The following PXDNL variants were observed in gnomAD, a reference collection of about 807,000 sequenced individuals.
PXDNL encodes probable oxidoreductase PXDNL.
A neutral mutation model predicts 150.8 loss-of-function variants in PXDNL; 145 were observed. That is an observed-to-expected ratio of 0.96 (90% confidence interval 0.84 to 1.10). PXDNL has a LOEUF of 1.10. Ranked by LOEUF, PXDNL falls within the 50% of genes least tolerant of loss-of-function variation. PXDNL has a pLI of 0.00. For missense variants in PXDNL, 2,087 were observed against 1,873.9 expected (o/e 1.11, Z -2.10); for synonymous variants, 757 against 725.7 (o/e 1.04, Z -0.69).
chr8:51,405,014 G>C (rs1041952439), intron 17 of PXDNL, among the ~76,000 whole-genome samples: 1 of 152,178 alleles, frequency 6.6e-6, no homozygotes, highest in Non-Finnish European at 1.5e-5. Context: ...GCTCAGCACC[G>C]GGACCCAGCG....
At chr8:51,507,000 T>G (rs1235481571) in intron 4 of PXDNL, among the ~76,000 whole-genome samples, 3 of 152,204 alleles carry the variant, frequency 2.0e-5, no homozygotes, top group African/African-American at 4.8e-5. Context: ...TTTTTTCCAT[T>G]AAGGACTTAG....
At chr8:51,389,690 C>T (rs778406063) in intron 17 of PXDNL, among the ~76,000 whole-genome samples, 1 of 152,176 alleles carries the variant, frequency 6.6e-6, no homozygotes, top group African/African-American at 2.4e-5. Flanking sequence ...ATAAGAATTG[C>T]CCATTTGTTT....
intron 5 of PXDNL, among the ~76,000 whole-genome samples, chr8:51,486,767 TATATATATATATATATATATA>T (rs1810751121): frequency 1.5e-3 from 14 of 9,314 alleles, no homozygotes; most frequent in African/African-American, 3.5e-3. Context: ...TATATATATA[TATATATATATATATATATATA>T]TATATATTTT....
chr8:51,578,995 A>C (rs1484097374), intron 3 of PXDNL, among the ~76,000 whole-genome samples: 2 of 152,040 alleles, frequency 1.3e-5, no homozygotes, highest in Non-Finnish European at 2.9e-5. Context: ...TATGTAAACT[A>C]TAAATCTTTT....
intron 17 of PXDNL, among the ~76,000 whole-genome samples, chr8:51,404,839 G>C (rs1808390254): frequency 6.6e-6 from 1 of 152,220 alleles, no homozygotes; most frequent in South Asian, 2.1e-4. Flanking sequence ...TCAGCCCTTG[G>C]GCGGTCGATG....
chr8:51,653,104 A>G (rs1815075173), intron 2 of PXDNL, among the ~76,000 whole-genome samples: 1 of 152,198 alleles, frequency 6.6e-6, no homozygotes, highest in Non-Finnish European at 1.5e-5. Context: ...GAAAGGCTTC[A>G]CCCAGAAATA....
At chr8:51,373,409 A>AAT (rs1209122798) in intron 18 of PXDNL, among the ~76,000 whole-genome samples, 2 of 152,176 alleles carry the variant, frequency 1.3e-5, no homozygotes, top group Admixed American at 6.5e-5. Context: ...CTGGTAAACT[A>AAT]ATATATATGG....
chr8:51,456,439 G>C (rs1156247036), intron 9 of PXDNL, among the ~76,000 whole-genome samples: 1 of 152,162 alleles, frequency 6.6e-6, no homozygotes, highest in East Asian at 1.9e-4. Flanking sequence ...GCAATCCTCC[G>C]AGGCTGCTGC....
At chr8:51,641,150 A>G (rs1263042092) in intron 2 of PXDNL, among the ~76,000 whole-genome samples, 1 of 150,994 alleles carries the variant, frequency 6.6e-6, no homozygotes. Flanking sequence ...CTGGCTAGCC[A>G]TATGTAGAAA....
chr8:51,613,432 C>T (rs1814061338), intron 2 of PXDNL, among the ~76,000 whole-genome samples: 1 of 136,798 alleles, frequency 7.3e-6, no homozygotes, highest in Non-Finnish European at 1.5e-5. Flanking sequence ...CACGTGATCA[C>T]CCAGAGATTT....
At chr8:51,320,356 ATTTTC>A (rs1301912897) in intron 22 of PXDNL, among the ~76,000 whole-genome samples, 4 of 152,126 alleles carry the variant, frequency 2.6e-5, no homozygotes, top group South Asian at 2.1e-4. Flanking sequence ...GAGCATTTTT[ATTTTC>A]TTTTGTTTTG....
In PXDNL at chr8:51,434,188, G is replaced by A. The variant is rs566913332; in HGVS notation, c.1526-7430C>T. Among the ~76,000 whole-genome samples the A allele has an allele frequency of 1.8e-4, 28 of 152,144 alleles. 1 individual carries two copies. The South Asian group carries it at 2.9e-3, about 16-fold the overall frequency. ...TATTAGATTTACAGTTATTTTTGTCGAAACACTTTGAAGAATCGATTCCAG... is the reference window on the plus strand; with the variant it reads ...TATTAGATTTACAGTTATTTTTGTCAAAACACTTTGAAGAATCGATTCCAG... On this transcript the variant is annotated intron_variant, in intron 12 of 22. Coordinates refer to ENST00000356297, the MANE Select transcript of PXDNL (RefSeq NM_144651.5).
chr8:51,444,431 A>G (rs1023416014), intron 12 of PXDNL, among the ~76,000 whole-genome samples: 8 of 152,352 alleles, frequency 5.3e-5, no homozygotes, highest in Admixed American at 3.9e-4. Context: ...TTCCCCAAAA[A>G]GAAACAAATA....
intron 12 of PXDNL, among the ~76,000 whole-genome samples, chr8:51,446,345 T>A (rs1809671718): frequency 6.6e-6 from 1 of 152,234 alleles, no homozygotes; most frequent in Non-Finnish European, 1.5e-5. Context: ...GAAAACGCAG[T>A]TTAGGTGCTA....
At chr8:51,807,640 G>A (rs776663645) in intron 1 of PXDNL, among the ~76,000 whole-genome samples, 1 of 152,184 alleles carries the variant, frequency 6.6e-6, no homozygotes, top group Non-Finnish European at 1.5e-5. Flanking sequence ...CCAAGGGCCT[G>A]AGAATCCACC....
At chr8:51,451,587 G>A (rs1001989220) in intron 10 of PXDNL, among the ~76,000 whole-genome samples, 1 of 152,160 alleles carries the variant, frequency 6.6e-6, no homozygotes, top group Non-Finnish European at 1.5e-5. Flanking sequence ...CACTGTTGAT[G>A]ACCATAGGCC....
Position 51,408,602 on chromosome 8 carries a change from C to T in PXDNL, c.3022G>A (p.Glu1008Lys). Residue 1008 changes from glutamate to lysine, a missense_variant, in exon 17 of 23, where the codon GAG becomes AAG. Glu to Lys is a moderately conservative substitution (Grantham distance 56). Transcript: ENST00000356297. ...TGGCTGTAGGTGATGTGCTGCAGCT[C>T]CGCGCCCACGATCTTCCTGGCTTCC... is the stretch of plus-strand genomic sequence containing the variant. ...YQEARKIVGA[E>K]LQHITYSHWL... 1 of 1,611,550 alleles carries T rather than the reference C, an allele frequency of 6.2e-7. No individual in the cohort carries two copies. The highest frequency in any genetic ancestry group is 1.1e-5 in the South Asian group (1 of 90,538).
intron 1 of PXDNL, among the ~76,000 whole-genome samples, chr8:51,808,610 C>T (rs1041572123): frequency 1.9e-4 from 29 of 152,152 alleles, no homozygotes; most frequent in African/African-American, 6.8e-4. Flanking sequence ...TTAGTCTAAG[C>T]GGCTGCTCCA....
chr8:51,399,515 G>A (rs985285834), intron 17 of PXDNL, among the ~76,000 whole-genome samples: 4 of 152,188 alleles, frequency 2.6e-5, no homozygotes, highest in Non-Finnish European at 5.9e-5. Flanking sequence ...TGAAGTTCTA[G>A]AAGAGACAAA....
Sources: allele counts gnomAD v4.1 joint callset (sites outside exome capture counted in the v4.1 genomes callset), GRCh38; gene constraint gnomAD v4.1.1; transcripts MANE v1.5; gene names NCBI Gene and HGNC (gene_info 2026-07-23, HGNC 2026-07-21).